The following SLC36A3 variants were observed in gnomAD, a reference collection of about 807,000 sequenced individuals.
SLC36A3 encodes the protein proton-coupled amino acid transporter 3.
Under a neutral mutation model 44.3 loss-of-function variants are expected in SLC36A3, and 35 were observed. The observed-to-expected ratio is 0.79, with a 90% CI of 0.60 to 1.05. SLC36A3 has a LOEUF of 1.05. SLC36A3 is among the 50% of genes least tolerant of loss of function. The pLI is 0.00. For synonymous variants in SLC36A3, 211 were observed against 227.6 expected (o/e 0.93, Z 0.66); for missense variants, 540 against 578.7 (o/e 0.93, Z 0.69).
chr5:151,294,192 C>G (rs1424236946), intron 3 of SLC36A3, among the ~76,000 whole-genome samples: 1 of 152,120 alleles, frequency 6.6e-6, no homozygotes, highest in Admixed American at 6.5e-5. Flanking sequence ...TCTCTGGGCC[C>G]CAGTTTTCTT....
chr5:151,291,929 C>G (rs778578650), intron 4 of SLC36A3, among the ~76,000 whole-genome samples: 1 of 152,108 alleles, frequency 6.6e-6, no homozygotes, highest in African/African-American at 2.4e-5. Context: ...GGTGCGATCT[C>G]GGCTCACTGC....
intron 9 of SLC36A3, among the ~76,000 whole-genome samples, 157 bp downstream of exon 9, chr5:151,280,857 C>CT (rs926779644): frequency 3.9e-5 from 6 of 151,980 alleles, no homozygotes; most frequent in Admixed American, 1.3e-4. Context: ...CTGTTAAGCC[C>CT]TTTTTTTTCA....
chr5:151,280,011 T>A (rs370182497), intron 9 of SLC36A3, among the ~76,000 whole-genome samples: 1 of 152,174 alleles, frequency 6.6e-6, no homozygotes, highest in East Asian at 1.9e-4. Flanking sequence ...TCGTTTGTGA[T>A]CCTCCGTCTA....
rs925197461 is a variant in SLC36A3, at chr5:151,276,516, G to A, written c.*877C>T. Among the ~76,000 whole-genome samples, 4 of 152,116 alleles carry A rather than the reference G, an allele frequency of 2.6e-5. No homozygotes were observed. The highest frequency in any genetic ancestry group is 2.9e-5 in the Non-Finnish European group (2 of 68,012). ...CCATTCTCTTGTTTATAGACATTTAGAGTATTTCCAACTTCTTTGCTTTTA... is the reference window on the plus strand; with the variant it reads ...CCATTCTCTTGTTTATAGACATTTAAAGTATTTCCAACTTCTTTGCTTTTA... On this transcript the variant is annotated 3_prime_UTR_variant, in exon 10 of 10. Coordinates refer to ENST00000335230, the MANE Select transcript of SLC36A3 (RefSeq NM_181774.4).
intron 8 of SLC36A3, among the ~76,000 whole-genome samples, chr5:151,282,886 CTT>C (rs11362344): frequency 0.057 from 8,097 of 142,618 alleles, 643 homozygotes; most frequent in African/African-American, 0.18. Flanking sequence ...TTCTTTCTTT[CTT>C]TTTTTTTTTT....
At chr5:151,295,209 T>C (rs1247595972) in intron 3 of SLC36A3, among the ~76,000 whole-genome samples, 1 of 152,308 alleles carries the variant, frequency 6.6e-6, no homozygotes, top group East Asian at 1.9e-4. Flanking sequence ...CTTTGAATAC[T>C]GGCTCTGCCA....
rs551325908 is a variant in SLC36A3, at chr5:151,277,432, G to A, written c.1374C>T (p.Ile458=). 4.3e-6 allele frequency: 7 copies of A among 1,614,212 alleles called. No individual in the cohort carries two copies. The East Asian group carries it at 6.7e-5, about 15-fold the overall frequency. ...CTGTGGAGTTGGCCATGGAATGGCT[G>A]ATGGGTTGGGGCAACTCATAGAGGG... is the stretch of plus-strand genomic sequence containing the variant. ...YQALYELPQP[I]SHSMANSTGV... The change falls in exon 10 of 10, where the codon ATC becomes ATT. Residue 458 remains isoleucine, a synonymous_variant. Coordinates refer to ENST00000335230, the MANE Select transcript of SLC36A3 (RefSeq NM_181774.4).
intron 6 of SLC36A3, 71 bp from the exon 7 acceptor site, chr5:151,284,782 G>C (rs10476766): frequency 0.13 from 152,627 of 1,196,808 alleles, 11,809 homozygotes; most frequent in African/African-American, 0.3. Flanking sequence ...TTGCCTGGTA[G>C]AAAGCTGGGT....
intron 3 of SLC36A3, among the ~76,000 whole-genome samples, chr5:151,294,923 C>CTATAA (rs1458813735): frequency 6.6e-6 from 1 of 152,008 alleles, no homozygotes; most frequent in Non-Finnish European, 1.5e-5. Context: ...GCCACTGCAC[C>CTATAA]CGGCCGAAAT....
chr5:151,284,709 C>T lies in SLC36A3; in HGVS notation c.711G>A (p.Gly237=). 3 of 1,610,086 alleles carry T rather than the reference C, an allele frequency of 1.9e-6. No individual in the cohort carries two copies. The highest frequency in any genetic ancestry group is 2.5e-6 in the Non-Finnish European group (3 of 1,177,660). Residue 237 remains glycine, a splice_region_variant and synonymous_variant, in exon 7 of 10, where the codon GGG becomes GGA. Transcript: ENST00000335230. ...AGGGTAGGTTGCTGGGATATGGAAT[C>T]CCCTAAAAGAAAGTGGGAGAAGCAC... ...MALIFEYIME[G]IPYPSNLPLM...
At chr5:151,284,482 A>G (rs1378531890) in intron 7 of SLC36A3, 131 bp downstream of exon 7, 1 of 753,264 alleles carries the variant, frequency 1.3e-6, no homozygotes, top group African/African-American at 1.8e-5. Context: ...GTGGGTACAG[A>G]CTTTCCCTTC....
chr5:151,296,467 C>T (rs1388856489), intron 2 of SLC36A3, 199 bp from the exon 3 acceptor site: 1 of 605,128 alleles, frequency 1.7e-6, no homozygotes, highest in Non-Finnish European at 3.0e-6. Context: ...GGCTGCCCAA[C>T]TTCTGCTAGG....
chr5:151,280,931 G>A, intron 9 of SLC36A3, 83 bp downstream of exon 9: 2 of 1,543,396 alleles, frequency 1.3e-6, no homozygotes, highest in East Asian at 2.3e-5. Context: ...AAGGCAAGTG[G>A]CAGATCCAAT....
chr5:151,302,839 G>A (rs1254382945), intron 1 of SLC36A3, among the ~76,000 whole-genome samples: 1 of 152,202 alleles, frequency 6.6e-6, no homozygotes, highest in East Asian at 1.9e-4. Context: ...TTTGTTTTCT[G>A]GATGGATGGC....
intron 6 of SLC36A3, among the ~76,000 whole-genome samples, chr5:151,285,030 A>G (rs955805247): frequency 1.3e-5 from 2 of 152,152 alleles, no homozygotes; most frequent in African/African-American, 4.8e-5. Context: ...CTCTTTATCT[A>G]TCAAATAATA....
At chr5:151,285,166 C>A (rs1754487353) in intron 6 of SLC36A3, among the ~76,000 whole-genome samples, 1 of 152,204 alleles carries the variant, frequency 6.6e-6, no homozygotes, top group African/African-American at 2.4e-5. Flanking sequence ...TGGCTTATTT[C>A]ATTTAGCTTT....
intron 8 of SLC36A3, among the ~76,000 whole-genome samples, chr5:151,282,886 C>T (rs1267933608): frequency 1.4e-5 from 2 of 142,656 alleles, no homozygotes; most frequent in Admixed American, 7.0e-5. Flanking sequence ...TTCTTTCTTT[C>T]TTTTTTTTTT....
chr5:151,277,744 C>G (rs894952572), intron 9 of SLC36A3, 83 bp from the exon 10 acceptor site: 5 of 1,497,216 alleles, frequency 3.3e-6, no homozygotes, highest in Non-Finnish European at 4.5e-6. Flanking sequence ...TTCACAGACA[C>G]CTGAGAGACC....
intron 3 of SLC36A3, among the ~76,000 whole-genome samples, chr5:151,294,609 A>T (rs1450330623): frequency 6.6e-6 from 1 of 151,832 alleles, no homozygotes; most frequent in African/African-American, 2.4e-5. Flanking sequence ...TGAAATCTCC[A>T]ATTCACATTT....
Sources: allele counts gnomAD v4.1 joint callset (sites outside exome capture counted in the v4.1 genomes callset), GRCh38; gene constraint gnomAD v4.1.1; transcripts MANE v1.5; gene names NCBI Gene and HGNC (gene_info 2026-07-23, HGNC 2026-07-21).